SLC22A23: variants seen among roughly 807,000 people sequenced by gnomAD.
SLC22A23 encodes solute carrier family 22 member 23.
Under a neutral mutation model 61.0 loss-of-function variants are expected in SLC22A23, and 26 were observed. That is an observed-to-expected ratio of 0.43 (90% CI 0.31 to 0.59). SLC22A23 has a LOEUF of 0.59. SLC22A23 is among the 20% of genes least tolerant of loss of function. The pLI, the probability that SLC22A23 is intolerant of heterozygous loss-of-function variation, is 0.11. For synonymous variants in SLC22A23, 430 were observed against 413.9 expected (o/e 1.04, Z -0.47); for missense variants, 796 against 934.7 (o/e 0.85, Z 1.94).
intron 3 of SLC22A23, among the ~76,000 whole-genome samples, chr6:3,338,399 C>T (rs1387603014): frequency 1.3e-5 from 2 of 152,318 alleles, no homozygotes; most frequent in South Asian, 2.1e-4. Flanking sequence ...GTATGATCTT[C>T]GCTCACTGCA....
chr6:3,450,468 G>A (rs552690613), intron 1 of SLC22A23, among the ~76,000 whole-genome samples: 1 of 152,148 alleles, frequency 6.6e-6, no homozygotes, highest in South Asian at 2.1e-4. Context: ...CACCATGCCC[G>A]GCTAATTTTT....
At chr6:3,385,952 A>G (rs1767274700) in intron 3 of SLC22A23, among the ~76,000 whole-genome samples, 3 of 152,220 alleles carry the variant, frequency 2.0e-5, no homozygotes, top group South Asian at 4.1e-4. Context: ...CATCCACAGA[A>G]TAGCCTATTA....
At chr6:3,396,113 T>C (rs1281783691) in intron 3 of SLC22A23, among the ~76,000 whole-genome samples, 3 of 152,200 alleles carry the variant, frequency 2.0e-5, no homozygotes, top group Non-Finnish European at 2.9e-5. Context: ...TTCTGTTTGC[T>C]CCATCTCTTA....
chr6:3,349,158 C>T (rs1462438282), intron 3 of SLC22A23, among the ~76,000 whole-genome samples: 2 of 152,216 alleles, frequency 1.3e-5, no homozygotes, highest in East Asian at 1.9e-4. Flanking sequence ...CAACTGGCCG[C>T]GGGGCACTTC....
rs963842679 is a variant in SLC22A23 at position 3,446,544 on chromosome 6, C to T, written c.654+9362G>A. ...GAGGGCCAGAGAAAATGGCAGAACA[C>T]GCCAAAGGCCCCGAGTTTTCTATCG... On this transcript the variant is annotated intron_variant, in intron 1 of 9. Transcript: ENST00000406686. Among the ~76,000 whole-genome samples, 14 of 152,320 alleles carry T rather than the reference C, an allele frequency of 9.2e-5. No individual in the cohort carries two copies. In the East Asian group the frequency reaches 1.2e-3, roughly 13 times the overall value.
At chr6:3,307,932 T>C (rs949377033) in intron 4 of SLC22A23, among the ~76,000 whole-genome samples, 2 of 152,154 alleles carry the variant, frequency 1.3e-5, no homozygotes, top group Admixed American at 6.5e-5. Context: ...TGCTACAGCA[T>C]GGGAGAACCT....
At position 3,272,835 on chromosome 6, in the gene SLC22A23, C is replaced by T. The variant is rs555549757; in HGVS notation, c.*220G>A. ...GACCAAAATAAATACACACATTTAA[C>T]GGCAGAAAAGAAAGTCTTGAAAGGG... On this transcript the variant is annotated 3_prime_UTR_variant, in exon 10 of 10. Coordinates refer to ENST00000406686, the MANE Select transcript of SLC22A23 (RefSeq NM_015482.2). The T allele has an allele frequency of 4.8e-5, 23 of 475,966 alleles. No individual in the cohort carries two copies. Among genetic ancestry groups the T allele is most frequent in the African/African-American group, 2.6e-4 (13 of 50,260 alleles). The allele number at this position is 475,966 out of a possible 1,614,324, so 29.5% of individuals were successfully genotyped here. A position where few individuals can be genotyped will look rare whatever the true frequency, so the allele number is the denominator to read the frequency against.
chr6:3,406,532 GTGTGTGTGTGTGTGTGCGCGCA>G (rs1490765574), intron 3 of SLC22A23, among the ~76,000 whole-genome samples: 1 of 54,720 alleles, frequency 1.8e-5, no homozygotes, highest in African/African-American at 1.3e-4. Context: ...CTGCCTGTGT[GTGTGTGTGTGTGTGTGCGCGCA>G]TGTGTGTGTG....
chr6:3,427,905 C>T lies in SLC22A23; in HGVS notation c.655-12050G>A, dbSNP rs1051436774. On this transcript the variant is annotated intron_variant, in intron 1 of 9. Coordinates refer to ENST00000406686, the MANE Select transcript of SLC22A23 (RefSeq NM_015482.2). This position sits in a 1 kb window ranked among gnomAD's most constrained non-coding sequence, Gnocchi z 4.3. ...TGGCTCCCGGCCCCCGCCCTCTGGT[C>T]GGGAGAGGAAGAAGGTCGGCTGCAC... is the stretch of plus-strand genomic sequence containing the variant. 3.9e-5 allele frequency among the ~76,000 whole-genome samples: 6 copies of T among 152,204 alleles called. No homozygotes were observed. The highest frequency in any genetic ancestry group is 9.7e-5 in the African/African-American group (4 of 41,450).
Position 3,286,224 on chromosome 6 carries a change from G to A in SLC22A23, c.1546+635C>T, listed in dbSNP as rs1390308338. ...AGTGATTCTTCTGCCTCAGCCTCCTGAGTAGCTGGGACTACAGGCGTGTAC... is the reference window on the plus strand; with the variant it reads ...AGTGATTCTTCTGCCTCAGCCTCCTAAGTAGCTGGGACTACAGGCGTGTAC... On this transcript the variant is annotated intron_variant, in intron 7 of 9. Coordinates refer to ENST00000406686, the MANE Select transcript of SLC22A23 (RefSeq NM_015482.2). The surrounding 1 kb of genome is among the most constrained non-coding windows in gnomAD (Gnocchi z 4.2). 6.6e-6 allele frequency among the ~76,000 whole-genome samples: 1 copy of A among 151,854 alleles called. No homozygotes were observed. The highest frequency in any genetic ancestry group is 1.5e-5 in the Non-Finnish European group (1 of 67,988).
At chr6:3,448,463 G>C (rs1772017698) in intron 1 of SLC22A23, among the ~76,000 whole-genome samples, 1 of 151,798 alleles carries the variant, frequency 6.6e-6, no homozygotes, top group Admixed American at 6.6e-5. Context: ...TCAGGACAAA[G>C]ATTCAGAAAG....
intron 1 of SLC22A23, among the ~76,000 whole-genome samples, chr6:3,446,085 C>T (rs1771883273): frequency 6.6e-6 from 1 of 152,204 alleles, no homozygotes; most frequent in Non-Finnish European, 1.5e-5. Context: ...TGCAAAGCCA[C>T]AGCTGAACTG....
chr6:3,311,535 CGTTA>C (rs1293139418), intron 4 of SLC22A23: 6 of 152,048 alleles, frequency 3.9e-5, no homozygotes, highest in Non-Finnish European at 1.5e-5. Flanking sequence ...ATTTTTTAAA[CGTTA>C]GTTCTGTTTG....
chr6:3,344,003 C>A (rs1024315592), intron 3 of SLC22A23, among the ~76,000 whole-genome samples: 1 of 152,164 alleles, frequency 6.6e-6, no homozygotes, highest in Non-Finnish European at 1.5e-5. Flanking sequence ...GAATGGTACA[C>A]GAATTAGAAT....
At chr6:3,447,894 T>G (rs1771979845) in intron 1 of SLC22A23, among the ~76,000 whole-genome samples, 1 of 45,534 alleles carries the variant, frequency 2.2e-5, no homozygotes, top group African/African-American at 1.6e-4. Context: ...GGCCTCTCTC[T>G]CTCTTTTTTT....
At chr6:3,370,680 T>C (rs1380446645) in intron 3 of SLC22A23, among the ~76,000 whole-genome samples, 1 of 152,252 alleles carries the variant, frequency 6.6e-6, no homozygotes, top group Admixed American at 6.5e-5. Flanking sequence ...TGACCTTCAG[T>C]GTGCCTACAC....
At chr6:3,430,878 C>T (rs1262161950) in intron 1 of SLC22A23, among the ~76,000 whole-genome samples, 1 of 152,012 alleles carries the variant, frequency 6.6e-6, no homozygotes, top group Non-Finnish European at 1.5e-5. Flanking sequence ...ACCAGCCTGA[C>T]CAACATGGAG....
At chr6:3,359,822 A>G (rs1765326641) in intron 3 of SLC22A23, among the ~76,000 whole-genome samples, 1 of 152,234 alleles carries the variant, frequency 6.6e-6, no homozygotes, top group South Asian at 2.1e-4. Flanking sequence ...AGATGAATGG[A>G]TAAGAAAATG....
chr6:3,445,204 A>AT (rs747204357), intron 1 of SLC22A23, among the ~76,000 whole-genome samples: 2,179 of 145,384 alleles, frequency 0.015, 20 homozygotes, highest in Non-Finnish European at 0.019. Flanking sequence ...GCCCCCCTTT[A>AT]TTTTTTTTTT....
Sources: allele counts gnomAD v4.1 joint callset (sites outside exome capture counted in the v4.1 genomes callset), GRCh38; gene constraint gnomAD v4.1.1; non-coding constraint Gnocchi (gnomAD v3.1); transcripts MANE v1.5; gene names NCBI Gene and HGNC (gene_info 2026-07-23, HGNC 2026-07-21).